Variants in MKX observed in about 807,000 individuals in gnomAD.
MKX encodes mohawk homeobox.
A neutral mutation model predicts 36.0 loss-of-function variants in MKX; 13 were observed. That is an observed-to-expected ratio of 0.36 (90% CI 0.24 to 0.57). The LOEUF is 0.57. MKX is among the 20% of genes least tolerant of loss of function. The probability of loss-of-function intolerance (pLI) is 0.79; values close to 1 mark genes in which losing one functional copy is unlikely to be tolerated. For synonymous variants in MKX, 176 were observed against 178.3 expected, an observed-to-expected ratio of 0.99 and a Z score of 0.10; for missense variants, 458 against 456.4, an observed-to-expected ratio of 1.00 and a Z score of -0.03.
chr10:27,741,509 G>A lies in MKX; in HGVS notation c.189-5C>T, dbSNP rs1834895641. ...TTCCCGCCATTCTGCCGGGCGCTGG[G>A]ACATGGGGAGAGGAGGCGGCCCTGG... is the stretch of plus-strand genomic sequence containing the variant. On this transcript the variant is annotated splice_polypyrimidine_tract_variant and splice_region_variant and intron_variant, in intron 2 of 6. Coordinates refer to ENST00000419761, the MANE Select transcript of MKX (RefSeq NM_173576.3). This position sits in a 1 kb window ranked among gnomAD's most constrained non-coding sequence, Gnocchi z 5.1. 1 of 1,583,902 alleles carries A rather than the reference G, an allele frequency of 6.3e-7. No homozygotes were observed.
At chr10:27,679,873 C>T (rs2132489473) in intron 5 of MKX, among the ~76,000 whole-genome samples, 1 of 152,032 alleles carries the variant, frequency 6.6e-6, no homozygotes, top group East Asian at 1.9e-4. Context: ...TTCTCTGGCT[C>T]AAGTGTGCTG....
At position 27,708,916 on chromosome 10, in the gene MKX, C is replaced by T. The variant is rs1460860648; in HGVS notation, c.838+25540G>A. ...GGGTGCAGTGGCTCACGCCTGTAAT[C>T]CTAGCACTTTGGGAGGCTGAGGCAG... On this transcript the variant is annotated intron_variant, in intron 5 of 6. Transcript: ENST00000419761. 4.6e-5 allele frequency among the ~76,000 whole-genome samples: 7 copies of T among 152,234 alleles called. No individual in the cohort carries two copies. In the East Asian group the frequency reaches 1.4e-3, roughly 29 times the overall value.
intron 5 of MKX, among the ~76,000 whole-genome samples, chr10:27,710,884 C>G (rs1564356416): frequency 6.6e-6 from 1 of 152,098 alleles, no homozygotes; most frequent in Admixed American, 6.5e-5. Flanking sequence ...GTCTCAAACT[C>G]CTGACCTCAA....
chr10:27,712,937 TA>T lies in MKX; in HGVS notation c.838+21518del, dbSNP rs200813810. 4.4e-3 allele frequency among the ~76,000 whole-genome samples: 659 copies of T among 150,696 alleles called. 18 individuals carry two copies. In the East Asian group the frequency reaches 0.066, roughly 15 times the overall value. ...GGATGACAGAGCAAGGCCCTGTCTC[TA>T]AAAAAAAACAACAATAATAAAGTCA... On this transcript the variant is annotated intron_variant, in intron 5 of 6. Coordinates refer to ENST00000419761, the MANE Select transcript of MKX (RefSeq NM_173576.3).
intron 5 of MKX, among the ~76,000 whole-genome samples, chr10:27,676,701 A>G (rs1836158519): frequency 6.6e-6 from 1 of 152,136 alleles, no homozygotes; most frequent in Non-Finnish European, 1.5e-5. Context: ...ATTTCAGACA[A>G]AGGATGGGCA....
intron 3 of MKX, among the ~76,000 whole-genome samples, chr10:27,737,811 C>T (rs1834811785): frequency 6.6e-6 from 1 of 152,054 alleles, no homozygotes; most frequent in African/African-American, 2.4e-5. Flanking sequence ...AACCTTAAAT[C>T]TTAACTAACC....
rs573215897 is a variant in MKX, at chr10:27,728,646, C to A, written c.838+5810G>T. 7.9e-5 allele frequency among the ~76,000 whole-genome samples: 12 copies of A among 152,294 alleles called. No homozygotes were observed. The South Asian group carries it at 2.5e-3, about 32-fold the overall frequency. ...TACATTGGTTGTTTAGAACAGAATA[C>A]CTTTCTCCAAAGAAACTATGTCATA... is the stretch of plus-strand genomic sequence containing the variant. On this transcript the variant is annotated intron_variant, in intron 5 of 6. Coordinates refer to ENST00000419761, the MANE Select transcript of MKX (RefSeq NM_173576.3).
intron 5 of MKX, among the ~76,000 whole-genome samples, chr10:27,725,156 C>T (rs1402958141): frequency 6.6e-6 from 1 of 152,234 alleles, no homozygotes; most frequent in African/African-American, 2.4e-5. Context: ...TTTTCAGGGA[C>T]TTGTATAGAG....
chr10:27,701,018 G>A (rs1242800354), intron 5 of MKX, among the ~76,000 whole-genome samples: 1 of 152,110 alleles, frequency 6.6e-6, no homozygotes, highest in Non-Finnish European at 1.5e-5. Flanking sequence ...TTCATTTGGA[G>A]TAGTGGTCTG....
intron 5 of MKX, among the ~76,000 whole-genome samples, chr10:27,709,754 T>A (rs1836820579): frequency 6.6e-6 from 1 of 152,144 alleles, no homozygotes; most frequent in South Asian, 2.1e-4. Flanking sequence ...GCCCTTTCCA[T>A]AAATTTCCTC....
At chr10:27,717,158 C>G (rs1836980881) in intron 5 of MKX, among the ~76,000 whole-genome samples, 1 of 152,098 alleles carries the variant, frequency 6.6e-6, no homozygotes, top group African/African-American at 2.4e-5. Context: ...TGTCATTGGC[C>G]TGGATAAGCT....
chr10:27,711,420 CTT>C (rs1218271993), intron 5 of MKX, among the ~76,000 whole-genome samples: 1 of 142,550 alleles, frequency 7.0e-6, no homozygotes, highest in Non-Finnish European at 1.5e-5. Context: ...TTCTTTCTTT[CTT>C]TCTTTTCTCT....
At chr10:27,705,250 T>TA (rs9335644) in intron 5 of MKX, among the ~76,000 whole-genome samples, 121,801 of 151,838 alleles carry the variant, frequency 0.8, 48,933 homozygotes, top group Admixed American at 0.84. Flanking sequence ...TACACAGCTG[T>TA]AAAAAAAAGA....
chr10:27,696,988 A>C (rs1033470100), intron 5 of MKX, among the ~76,000 whole-genome samples: 4 of 152,300 alleles, frequency 2.6e-5, no homozygotes, highest in African/African-American at 9.6e-5. Context: ...ACTTTTCACA[A>C]AGTAACCACG....
intron 3 of MKX, among the ~76,000 whole-genome samples, chr10:27,739,631 C>A (rs11006695): frequency 6.6e-6 from 1 of 151,934 alleles, no homozygotes; most frequent in Non-Finnish European, 1.5e-5. Context: ...AAAACCACTA[C>A]ATAAGAAAGT....
intron 5 of MKX, among the ~76,000 whole-genome samples, chr10:27,714,602 G>A (rs573053964): frequency 1.5e-4 from 23 of 152,198 alleles, no homozygotes; most frequent in African/African-American, 5.5e-4. Flanking sequence ...TTACAACCAG[G>A]ATGCAATATT....
rs1227381256 is a variant in MKX, at chr10:27,741,954, C to T, written c.189-450G>A. On this transcript the variant is annotated intron_variant, in intron 2 of 6. Transcript: ENST00000419761. This position sits in a 1 kb window ranked among gnomAD's most constrained non-coding sequence, Gnocchi z 5.1. Reference sequence around the variant, plus strand: ...CTCTTGTCTGCTCCCAGAGGCTTTCCGTCGCTTGTGGTCAGGGGAAAGGTC... The same window carrying T: ...CTCTTGTCTGCTCCCAGAGGCTTTCTGTCGCTTGTGGTCAGGGGAAAGGTC... Among the ~76,000 whole-genome samples, 2 of 152,164 alleles carry T rather than the reference C, an allele frequency of 1.3e-5. No homozygotes were observed. The highest frequency in any genetic ancestry group is 2.9e-5 in the Non-Finnish European group (2 of 68,036).
chr10:27,716,530 A>G (rs1229350672), intron 5 of MKX, among the ~76,000 whole-genome samples: 1 of 151,932 alleles, frequency 6.6e-6, no homozygotes, highest in African/African-American at 2.4e-5. Context: ...AAGTAACCTT[A>G]AGGAAAGCAA....
chr10:27,736,020 C>A (rs945862643), intron 3 of MKX, among the ~76,000 whole-genome samples: 2 of 152,058 alleles, frequency 1.3e-5, no homozygotes, highest in African/African-American at 4.8e-5. Flanking sequence ...TGGGCAATGT[C>A]TAGTTTGAGG....
Sources: allele counts gnomAD v4.1 joint callset (sites outside exome capture counted in the v4.1 genomes callset), GRCh38; gene constraint gnomAD v4.1.1; non-coding constraint Gnocchi (gnomAD v3.1); transcripts MANE v1.5; gene names NCBI Gene and HGNC (gene_info 2026-07-23, HGNC 2026-07-21).